Variants in DPP6 observed in about 807,000 individuals in gnomAD.
The protein encoded by DPP6 is dipeptidyl peptidase like 6.
DPP6 carries 69 observed loss-of-function variants against 122.6 expected under a neutral mutation model. The ratio of observed to expected loss-of-function variants is 0.56; its 90% CI spans 0.46 to 0.69. The LOEUF (loss-of-function observed/expected upper bound fraction) is 0.69, where lower values mean the gene tolerates loss of function less well. DPP6 is among the 30% of genes least tolerant of loss of function. The pLI is 0.00. For missense variants in DPP6, 928 were observed against 1,116.9 expected (o/e 0.83, Z 2.41); for synonymous variants, 418 against 433.1 (o/e 0.97, Z 0.43).
intron 1 of DPP6, among the ~76,000 whole-genome samples, chr7:153,999,819 C>T (rs1414401907): frequency 1.3e-5 from 2 of 152,044 alleles, no homozygotes; most frequent in African/African-American, 4.8e-5. Context: ...ATTAGCTGGG[C>T]ATGGTGGTAT....
chr7:154,597,608 AT>A (rs1833175507), intron 5 of DPP6, among the ~76,000 whole-genome samples: 1 of 97,414 alleles, frequency 1.0e-5, no homozygotes, highest in Admixed American at 1.1e-4. Flanking sequence ...GTGAGACTCC[AT>A]AAAAAAAAAA....
intron 1 of DPP6, among the ~76,000 whole-genome samples, chr7:154,326,215 A>T (rs1808432046): frequency 6.6e-6 from 1 of 152,184 alleles, no homozygotes. Flanking sequence ...AGCACAGCAA[A>T]ATATGCATGA....
At chr7:153,797,087 C>T in the DPP6 span, among the ~76,000 whole-genome samples, 6 of 152,248 alleles carry the variant, frequency 3.9e-5, no homozygotes, top group Admixed American at 2.0e-4. Flanking sequence ...TGGGATCTGC[C>T]GTCAGTCACA....
chr7:153,854,087 AT>A, the DPP6 span, among the ~76,000 whole-genome samples: 1 of 146,762 alleles, frequency 6.8e-6, no homozygotes, highest in East Asian at 2.0e-4. Context: ...TCCCAGCACC[AT>A]TTATTAAATA....
chr7:154,062,146 TC>T (rs1443575615), intron 1 of DPP6, among the ~76,000 whole-genome samples: 1 of 99,570 alleles, frequency 1.0e-5, no homozygotes, highest in Non-Finnish European at 2.2e-5. Context: ...CAGACCCTCA[TC>T]CCCCACCGGC....
chr7:154,283,377 T>TA lies in DPP6; in HGVS notation c.244-162832dup, dbSNP rs1804652744. On this transcript the variant is annotated intron_variant, in intron 1 of 25. Coordinates refer to ENST00000377770, the MANE Select transcript of DPP6 (RefSeq NM_130797.4). ...AATGATCTACTTCATAGGGCTATTT[T>TA]AAAAATAGTTAATATGTAAGTAACT... 2.6e-5 allele frequency among the ~76,000 whole-genome samples: 4 copies of TA among 152,316 alleles called. No individual in the cohort carries two copies. In the South Asian group the frequency reaches 6.2e-4, roughly 24 times the overall value.
At chr7:154,374,267 G>T (rs1216964616) in intron 1 of DPP6, among the ~76,000 whole-genome samples, 1 of 152,214 alleles carries the variant, frequency 6.6e-6, no homozygotes, top group East Asian at 1.9e-4. Flanking sequence ...ATACCTCATA[G>T]TGTTTTGTGG....
At chr7:154,358,017 G>T (rs1223479729) in intron 1 of DPP6, among the ~76,000 whole-genome samples, 1 of 151,908 alleles carries the variant, frequency 6.6e-6, no homozygotes, top group Non-Finnish European at 1.5e-5. Context: ...AATTATGTCA[G>T]TGGTGTCCCT....
At chr7:154,238,617 T>A (rs1362202974) in intron 1 of DPP6, among the ~76,000 whole-genome samples, 1 of 152,200 alleles carries the variant, frequency 6.6e-6, no homozygotes, top group Non-Finnish European at 1.5e-5. Context: ...GAGCTGGGAT[T>A]TGAACTCAAG....
At chr7:154,230,801 T>A (rs2150849912) in intron 1 of DPP6, among the ~76,000 whole-genome samples, 1 of 152,350 alleles carries the variant, frequency 6.6e-6, no homozygotes, top group East Asian at 1.9e-4. Context: ...GAATGAGCCC[T>A]GAGTGCCGGA....
the DPP6 span, among the ~76,000 whole-genome samples, chr7:153,750,876 AT>A: frequency 1.3e-5 from 2 of 152,352 alleles, no homozygotes; most frequent in African/African-American, 2.4e-5. Context: ...AGGAAAAAAA[AT>A]ATTCAGTTCC....
rs1402399494 is a variant in DPP6 at position 154,241,403 on chromosome 7, T to C, written c.243+188340T>C. 2.0e-5 allele frequency among the ~76,000 whole-genome samples: 3 copies of C among 152,222 alleles called. No homozygotes were observed. In the East Asian group the frequency reaches 5.8e-4, roughly 29 times the overall value. On this transcript the variant is annotated intron_variant, in intron 1 of 25. Coordinates refer to ENST00000377770, the MANE Select transcript of DPP6 (RefSeq NM_130797.4). The surrounding 1 kb of genome is among the most constrained non-coding windows in gnomAD (Gnocchi z 9.0). ...TTAAAGATCCCATTCTGGCAGGTCATGGTGACTCACACCTGGCGTGGAGGT... is the reference window on the plus strand; with the variant it reads ...TTAAAGATCCCATTCTGGCAGGTCACGGTGACTCACACCTGGCGTGGAGGT...
At chr7:154,553,457 T>G (rs1345382895) in intron 4 of DPP6, among the ~76,000 whole-genome samples, 1 of 152,222 alleles carries the variant, frequency 6.6e-6, no homozygotes. Context: ...TAACTAATAG[T>G]TGATATTTTG....
intron 4 of DPP6, among the ~76,000 whole-genome samples, chr7:154,555,988 G>T (rs1355394248): frequency 6.6e-6 from 1 of 152,140 alleles, no homozygotes; most frequent in Admixed American, 6.5e-5. Flanking sequence ...AACTGCTTTA[G>T]TGTAAACATT....
intron 5 of DPP6, among the ~76,000 whole-genome samples, chr7:154,614,217 T>G (rs987802852): frequency 6.6e-6 from 1 of 152,202 alleles, no homozygotes; most frequent in African/African-American, 2.4e-5. Context: ...CAGGCTCACA[T>G]AGGGTTAGCT....
intron 4 of DPP6, among the ~76,000 whole-genome samples, chr7:154,560,727 A>G (rs1047901471): frequency 5.3e-5 from 8 of 152,092 alleles, no homozygotes; most frequent in East Asian, 1.9e-4. Flanking sequence ...TGCTAAAAAT[A>G]TAAAAGTTAA....
At chr7:153,832,940 C>A in the DPP6 span, among the ~76,000 whole-genome samples, 924 of 152,276 alleles carry the variant, frequency 6.1e-3, 18 homozygotes, top group African/African-American at 0.021. Context: ...CCCTTGCACT[C>A]ATGGAAGCTC....
chr7:154,880,802 G>C, intron 20 of DPP6, 86 bp from the exon 21 acceptor site: 1 of 1,611,188 alleles, frequency 6.2e-7, no homozygotes, highest in Non-Finnish European at 8.5e-7. Context: ...CCTTGAAATG[G>C]ATGGAAAACA....
intron 1 of DPP6, among the ~76,000 whole-genome samples, chr7:154,003,229 C>T (rs1797763106): frequency 6.6e-6 from 1 of 152,138 alleles, no homozygotes; most frequent in East Asian, 1.9e-4. Context: ...GAACTCCTTA[C>T]GAAGCAGTCT....
Sources: gnomAD v4.1 joint callset for allele counts (sites outside exome capture counted in the v4.1 genomes callset) on GRCh38, gnomAD v4.1.1 for gene constraint, Gnocchi (gnomAD v3.1) non-coding constraint, MANE v1.5 for transcripts, NCBI Gene and HGNC (gene_info 2026-07-23, HGNC 2026-07-21) for gene names.